The following ZBTB40 variants were observed in gnomAD, a reference collection of about 807,000 sequenced individuals.
The protein encoded by ZBTB40 is zinc finger and BTB domain-containing protein 40.
A neutral mutation model predicts 117.5 loss-of-function variants in ZBTB40; 60 were observed. The observed-to-expected ratio is 0.51, with a 90% CI of 0.41 to 0.63. The LOEUF (loss-of-function observed/expected upper bound fraction) is 0.63. Among genes scored for constraint, ZBTB40 ranks in the 30% least tolerant of loss-of-function variants. The pLI is 0.00. For synonymous variants in ZBTB40, 525 were observed against 577.1 expected (o/e 0.91, Z 1.29); for missense variants, 1,287 against 1,498.5 (o/e 0.86, Z 2.33).
chr1:22,455,349 A>G (rs1398604725), intron 1 of ZBTB40, among the ~76,000 whole-genome samples: 1 of 152,206 alleles, frequency 6.6e-6, no homozygotes, highest in African/African-American at 2.4e-5. Context: ...TAAAAATAGG[A>G]TAATGTTCGG....
At chr1:22,469,903 C>T (rs546160635) in intron 1 of ZBTB40, among the ~76,000 whole-genome samples, 1 of 152,202 alleles carries the variant, frequency 6.6e-6, no homozygotes, top group South Asian at 2.1e-4. Flanking sequence ...ATATTTTGGG[C>T]AGTTTTATGA....
chr1:22,444,181 G>A (rs1416036281), intron 1 of ZBTB40, among the ~76,000 whole-genome samples: 2 of 152,258 alleles, frequency 1.3e-5, no homozygotes, highest in East Asian at 1.9e-4. Context: ...GGGAGGCCAC[G>A]GCAAGTGGAT....
chr1:22,522,824 G>GGT (rs1272245095), intron 16 of ZBTB40, among the ~76,000 whole-genome samples: 1 of 150,348 alleles, frequency 6.7e-6, no homozygotes, highest in African/African-American at 2.5e-5. Flanking sequence ...GGAGTGCAGT[G>GGT]GTGCGATCTC....
intron 3 of ZBTB40, among the ~76,000 whole-genome samples, chr1:22,500,896 T>C (rs1378383849): frequency 6.6e-6 from 1 of 152,218 alleles, no homozygotes; most frequent in Non-Finnish European, 1.5e-5. Flanking sequence ...TGTAAATGAT[T>C]TAAGGTATTC....
intron 1 of ZBTB40, among the ~76,000 whole-genome samples, chr1:22,435,599 A>G (rs181516044): frequency 1.1e-3 from 163 of 152,280 alleles, no homozygotes; most frequent in African/African-American, 3.8e-3. Context: ...AACAGTGGTG[A>G]GAGTGGGCAT....
At chr1:22,442,013 G>GT (rs1428827681) in intron 1 of ZBTB40, among the ~76,000 whole-genome samples, 2 of 151,854 alleles carry the variant, frequency 1.3e-5, no homozygotes, top group Non-Finnish European at 2.9e-5. Flanking sequence ...CTCTTCTAAT[G>GT]TTTTCTTTGA....
intron 1 of ZBTB40, among the ~76,000 whole-genome samples, chr1:22,489,245 G>A (rs1314389689): frequency 1.3e-5 from 2 of 152,156 alleles, no homozygotes; most frequent in Non-Finnish European, 2.9e-5. Context: ...CAGAAGAGAG[G>A]GAAGGTAAGA....
intron 1 of ZBTB40, 109 bp from the exon 2 acceptor site, chr1:22,489,771 T>G: frequency 4.4e-6 from 3 of 674,422 alleles, no homozygotes; most frequent in Non-Finnish European, 8.0e-6. Flanking sequence ...TTAAGCAATA[T>G]TTGTTGGATG....
chr1:22,519,798 GA>G, intron 13 of ZBTB40: 2 of 526,552 alleles, frequency 3.8e-6, no homozygotes, highest in Non-Finnish European at 6.9e-6. Context: ...GTAAAATGAG[GA>G]ATGGAGATGA....
chr1:22,502,279 T>C lies in ZBTB40; in HGVS notation c.1025-20T>C, dbSNP rs771353378. 6.2e-7 allele frequency: 1 copy of C among 1,611,040 alleles called. No individual in the cohort carries two copies. Among genetic ancestry groups the C allele is most frequent in the South Asian group, 1.1e-5 (1 of 90,720 alleles). On this transcript the variant is annotated intron_variant, in intron 4 of 17. Transcript: ENST00000375647. ...AATTGACTAGCTTCTCTTGTGTGTCTCTAACTCTTTCTCCCCCAGGGAGCA... is the reference window on the plus strand; with the variant it reads ...AATTGACTAGCTTCTCTTGTGTGTCCCTAACTCTTTCTCCCCCAGGGAGCA...
chr1:22,462,026 G>A (rs115012946), intron 1 of ZBTB40, among the ~76,000 whole-genome samples: 2 of 152,168 alleles, frequency 1.3e-5, no homozygotes, highest in East Asian at 1.9e-4. Flanking sequence ...GGCAGGGAGG[G>A]TTGAGGAATG....
intron 1 of ZBTB40, among the ~76,000 whole-genome samples, chr1:22,440,454 T>G (rs139089274): frequency 1.3e-5 from 2 of 152,232 alleles, no homozygotes; most frequent in Middle Eastern, 3.4e-3. Context: ...CTGGGAAAAA[T>G]AGCAAGAGCC....
In ZBTB40 at chr1:22,521,658, G is replaced by C; in HGVS notation, c.3211G>C (p.Asp1071His). The C allele has an allele frequency of 6.2e-7, 1 of 1,614,232 alleles. No individual in the cohort carries two copies. The highest frequency in any genetic ancestry group is 8.5e-7 in the Non-Finnish European group (1 of 1,180,048). ...HKKHIKAEHA[D>H]MKFHECDQCK... ...GAAGCACATCAAAGCAGAACATGCA[G>C]GTGGAGTTTGGGTACCGCCGGCAGA... is the stretch of plus-strand genomic sequence containing the variant. Residue 1071 changes from aspartate to histidine, a missense_variant and splice_region_variant, in exon 15 of 18, where the codon GAT becomes CAT. This residue lies in a region of ZBTB40 where 417 missense variants were observed against 564.1 expected (regional missense o/e 0.74). Transcript: ENST00000375647.
At chr1:22,515,839 A>G (rs1463000119) in intron 12 of ZBTB40, among the ~76,000 whole-genome samples, 1 of 152,220 alleles carries the variant, frequency 6.6e-6, no homozygotes, top group Non-Finnish European at 1.5e-5. Context: ...GGTTTTGAGC[A>G]GAGAATGAGT....
chr1:22,486,140 G>A (rs1164773819), intron 1 of ZBTB40, among the ~76,000 whole-genome samples: 1 of 152,296 alleles, frequency 6.6e-6, no homozygotes, highest in South Asian at 2.1e-4. Flanking sequence ...TTGTTGAAAG[G>A]TGGACATGAT....
At chr1:22,430,517 G>T (rs1312997545) in intron 1 of ZBTB40, among the ~76,000 whole-genome samples, 1 of 152,152 alleles carries the variant, frequency 6.6e-6, no homozygotes, top group African/African-American at 2.4e-5. Context: ...CTTGAGCCTG[G>T]GAGGCCAAGG....
intron 1 of ZBTB40, among the ~76,000 whole-genome samples, chr1:22,430,485 A>AG (rs1640564750): frequency 6.6e-6 from 1 of 152,124 alleles, no homozygotes; most frequent in Non-Finnish European, 1.5e-5. Context: ...CAGCTACACT[A>AG]GAGGCTGAGG....
chr1:22,524,295 G>A lies in ZBTB40; in HGVS notation c.3376G>A (p.Glu1126Lys). 6.2e-7 allele frequency: 1 copy of A among 1,614,152 alleles called. No individual in the cohort carries two copies. The highest frequency in any genetic ancestry group is 8.5e-7 in the Non-Finnish European group (1 of 1,180,030). ...PGALQHHVTTEHFKQSETTFP... is the reference protein window; with the variant it reads ...PGALQHHVTTKHFKQSETTFP... ...AGCATTGCAGCACCATGTCACCACG[G>A]AGCACTTCAAGCAGTCAGAGACCAC... The change falls in exon 17 of 18, where the codon GAG (glutamate) becomes AAG (lysine). Residue 1126 changes from glutamate (E) to lysine (K), a missense_variant. Physicochemically the swap from Glu to Lys is moderately conservative, Grantham distance 56 (BLOSUM62 1). This residue lies in a region of ZBTB40 where 417 missense variants were observed against 564.1 expected (regional missense o/e 0.74). Transcript: ENST00000375647.
intron 3 of ZBTB40, among the ~76,000 whole-genome samples, chr1:22,499,967 G>A (rs1638883078): frequency 6.6e-6 from 1 of 151,978 alleles, no homozygotes; most frequent in Admixed American, 6.5e-5. Context: ...CTAACCTTTT[G>A]CTCTCTAAAG....
Sources: allele counts gnomAD v4.1 joint callset (sites outside exome capture counted in the v4.1 genomes callset), GRCh38; gene constraint gnomAD v4.1.1; regional missense constraint gnomAD v4.1.1; transcripts MANE v1.5; gene names NCBI Gene and HGNC (gene_info 2026-07-23, HGNC 2026-07-21).